The following PTPRK variants were observed in gnomAD, a reference collection of about 807,000 sequenced individuals.
The protein encoded by PTPRK is protein tyrosine phosphatase receptor type K.
Under a neutral mutation model 178.0 loss-of-function variants are expected in PTPRK, and 75 were observed. The observed-to-expected ratio is 0.42, with a 90% CI of 0.35 to 0.51. The LOEUF is 0.51. Among genes scored for constraint, PTPRK ranks in the 20% least tolerant of loss-of-function variants. The pLI, the probability that PTPRK is intolerant of heterozygous loss-of-function variation, is 0.02. For synonymous variants in PTPRK, 637 were observed against 620.6 expected, an observed-to-expected ratio of 1.03 and a Z score of -0.39; for missense variants, 1,441 against 1,797.8, an observed-to-expected ratio of 0.80 and a Z score of 3.59.
chr6:128,517,025 T>A (rs991205073), intron 1 of PTPRK, among the ~76,000 whole-genome samples: 18 of 151,282 alleles, frequency 1.2e-4, no homozygotes, highest in African/African-American at 3.9e-4. Context: ...TGTTTAACAA[T>A]AACTATGTTA....
intron 13 of PTPRK, among the ~76,000 whole-genome samples, chr6:128,056,280 T>C (rs930187723): frequency 6.6e-6 from 1 of 152,026 alleles, no homozygotes; most frequent in African/African-American, 2.4e-5. Context: ...GGGCCTAAGG[T>C]CAGATTTCTA....
intron 1 of PTPRK, among the ~76,000 whole-genome samples, chr6:128,446,151 C>T (rs878953449): frequency 6.6e-5 from 10 of 152,292 alleles, no homozygotes; most frequent in African/African-American, 1.7e-4. Flanking sequence ...GCTGGATAAG[C>T]GATTTCCAGA....
intron 11 of PTPRK, among the ~76,000 whole-genome samples, chr6:128,074,181 C>G (rs182110622): frequency 1.3e-5 from 2 of 151,986 alleles, no homozygotes; most frequent in Admixed American, 1.3e-4. Flanking sequence ...TTATGAAATG[C>G]AAATTAGATG....
At chr6:128,395,672 T>C (rs1372568856) in intron 2 of PTPRK, among the ~76,000 whole-genome samples, 3 of 151,208 alleles carry the variant, frequency 2.0e-5, no homozygotes, top group African/African-American at 4.9e-5. Context: ...ACCAGGAAAA[T>C]AAGGTTACAT....
At chr6:128,079,433 A>G (rs1203176557) in intron 10 of PTPRK, among the ~76,000 whole-genome samples, 2 of 152,064 alleles carry the variant, frequency 1.3e-5, no homozygotes, top group African/African-American at 4.8e-5. Context: ...CATACCAAGA[A>G]GTGTGGTAAA....
At chr6:128,407,621 G>A (rs1334576197) in intron 1 of PTPRK, among the ~76,000 whole-genome samples, 3 of 80,706 alleles carry the variant, frequency 3.7e-5, no homozygotes, top group Non-Finnish European at 6.3e-5. Context: ...GATGGACAGA[G>A]CAAGACCCTA....
chr6:128,433,144 T>G (rs570328368), intron 1 of PTPRK, among the ~76,000 whole-genome samples: 1 of 152,344 alleles, frequency 6.6e-6, no homozygotes, highest in Admixed American at 6.5e-5. Flanking sequence ...TCTACCTATT[T>G]TGAAATATAC....
chr6:128,093,622 A>C (rs1187715095), intron 7 of PTPRK, among the ~76,000 whole-genome samples: 1 of 144,992 alleles, frequency 6.9e-6, no homozygotes, highest in South Asian at 2.1e-4. Context: ...AAAAAAAAAA[A>C]ACGAAAAAAC....
chr6:128,011,610 G>T (rs1779065561), intron 13 of PTPRK, among the ~76,000 whole-genome samples: 1 of 151,004 alleles, frequency 6.6e-6, no homozygotes. Context: ...TCATCATGAA[G>T]TAAGAACAGC....
In PTPRK at chr6:127,976,734, T is replaced by G; in HGVS notation, c.3892A>C (p.Ile1298Leu). The change falls in exon 27 of 30, where the codon ATC becomes CTC. Residue 1298 changes from isoleucine (I) to leucine (L), a missense_variant. Physicochemically the swap from Ile to Leu is conservative, Grantham distance 5 (BLOSUM62 2). Transcript: ENST00000368226. ...PEEGMLRYGP[I>L]QVECMSCSMD... ...GAACAAGACATACATTCCACTTGGA[T>G]GGGGCCATATCGTAGCATCCCTTCC... 1 of 1,613,790 alleles carries G rather than the reference T, an allele frequency of 6.2e-7. No homozygotes were observed. The highest frequency in any genetic ancestry group is 1.1e-5 in the South Asian group (1 of 91,068).
chr6:128,432,232 TTG>T (rs1431907455), intron 1 of PTPRK, among the ~76,000 whole-genome samples: 1 of 152,238 alleles, frequency 6.6e-6, no homozygotes, highest in Non-Finnish European at 1.5e-5. Flanking sequence ...TAACTTCTTA[TTG>T]TACGAATATT....
Position 128,363,680 on chromosome 6 carries a change from C to T in PTPRK, c.223+33886G>A, listed in dbSNP as rs555984108. The stretch of plus-strand genomic sequence containing the variant: ...TCTCTTTCATCTGGGAATCAGTTTG[C>T]TGAACACTCATTTCTATCTACTAGG... On this transcript the variant is annotated intron_variant, in intron 2 of 29. Coordinates refer to ENST00000368226, the MANE Select transcript of PTPRK (RefSeq NM_002844.4). Among the ~76,000 whole-genome samples the T allele has an allele frequency of 9.2e-5, 14 of 152,226 alleles. No homozygotes were observed. In the East Asian group the frequency reaches 1.5e-3, roughly 17 times the overall value.
In PTPRK at chr6:128,082,603, T is replaced by A. The variant is rs1213173099; in HGVS notation, c.1611A>T (p.Ala537=). 2 of 1,611,604 alleles carry A rather than the reference T, an allele frequency of 1.2e-6. No homozygotes were observed. Among genetic ancestry groups the A allele is most frequent in the South Asian group, 2.2e-5 (2 of 91,026 alleles). Residue 537 remains alanine, a synonymous_variant, in exon 10 of 30, where the codon GCA becomes GCT. Transcript: ENST00000368226. ...TCTGGGGAGGTCCAGCCACTGGAAC[T>A]GCAGGATCAAATGATCTTATACTGC... The part of the protein sequence containing the change: ...SYSSIRSFDP[A]VPVAGPPQTV...
chr6:128,311,123 T>C (rs1827180448), intron 3 of PTPRK, among the ~76,000 whole-genome samples: 1 of 152,104 alleles, frequency 6.6e-6, no homozygotes. Context: ...AAAAACCTGA[T>C]TACCTTTCAT....
chr6:128,478,412 C>T (rs1013221087), intron 1 of PTPRK, among the ~76,000 whole-genome samples: 5 of 152,056 alleles, frequency 3.3e-5, no homozygotes, highest in African/African-American at 4.8e-5. Context: ...GTGCTAGTTC[C>T]GGAACTGCTC....
At chr6:128,221,518 T>C (rs144475225) in intron 5 of PTPRK, among the ~76,000 whole-genome samples, 2,442 of 149,524 alleles carry the variant, frequency 0.016, 33 homozygotes, top group African/African-American at 0.038. Flanking sequence ...AGCAAGATTC[T>C]GTCTCAAAAA....
At chr6:128,421,890 C>T (rs986899978) in intron 1 of PTPRK, among the ~76,000 whole-genome samples, 1 of 152,180 alleles carries the variant, frequency 6.6e-6, no homozygotes, top group Non-Finnish European at 1.5e-5. Flanking sequence ...TATAAGAACA[C>T]CTTACTCTTA....
At chr6:128,395,185 T>G (rs1210131437) in intron 2 of PTPRK, among the ~76,000 whole-genome samples, 1 of 152,000 alleles carries the variant, frequency 6.6e-6, no homozygotes, top group Non-Finnish European at 1.5e-5. Context: ...ATGAAAAAAA[T>G]AGTATCTATT....
intron 13 of PTPRK, among the ~76,000 whole-genome samples, chr6:128,042,976 C>T (rs142583843): frequency 2.0e-4 from 30 of 151,936 alleles, no homozygotes; most frequent in South Asian, 1.0e-3. Context: ...TAGTTATTTC[C>T]GTTTCATTAG....
Sources: allele counts gnomAD v4.1 joint callset (sites outside exome capture counted in the v4.1 genomes callset), GRCh38; gene constraint gnomAD v4.1.1; transcripts MANE v1.5; gene names NCBI Gene and HGNC (gene_info 2026-07-23, HGNC 2026-07-21).